SOX18: variants seen among roughly 807,000 people sequenced by gnomAD.
SOX18 encodes transcription factor SOX-18.
A neutral mutation model predicts 9.1 loss-of-function variants in SOX18; 2 were observed. That is an observed-to-expected ratio of 0.22 (90% CI 0.09 to 0.69). The LOEUF is 0.69. Ranked by LOEUF, SOX18 falls within the 30% of genes least tolerant of loss-of-function variation. SOX18 has a pLI of 0.80. For synonymous variants in SOX18, 292 were observed against 280.5 expected, an observed-to-expected ratio of 1.04 and a Z score of -0.41; for missense variants, 542 against 567.3, an observed-to-expected ratio of 0.96 and a Z score of 0.45.
At chr20:64,049,119 C>A (rs768592677) in intron 1 of SOX18, 40 bp downstream of exon 1, 9 of 1,182,160 alleles carry the variant, frequency 7.6e-6, no homozygotes, top group African/African-American at 6.5e-5. Context: ...CGAGCCCCCC[C>A]CGCCCTCTCC....
chr20:64,048,144 G>T lies in SOX18; in HGVS notation c.*22C>A. On this transcript the variant is annotated 3_prime_UTR_variant, in exon 2 of 2. Transcript: ENST00000340356. Reference sequence around the variant, plus strand: ...GGGGCTGCGGGAGGAAGCGCTGCAGGGACCCGGGCGGCGCCGGCGGCCTAG... The same window carrying T: ...GGGGCTGCGGGAGGAAGCGCTGCAGTGACCCGGGCGGCGCCGGCGGCCTAG... 6.5e-7 allele frequency: 1 copy of T among 1,534,746 alleles called. No individual in the cohort carries two copies. Among genetic ancestry groups the T allele is most frequent in the Non-Finnish European group, 8.7e-7 (1 of 1,145,254 alleles).
At position 64,047,858 on chromosome 20, in the gene SOX18, T is replaced by TCGGTGG; in HGVS notation, c.*307_*308insCCACCG. The stretch of plus-strand genomic sequence containing the variant: ...ACACTGCAAGAAAAGGAGCAGGTGC[T>TCGGTGG]TCAAAAATGTAACCCTGGCAACTCT... On this transcript the variant is annotated 3_prime_UTR_variant, in exon 2 of 2. Coordinates refer to ENST00000340356, the MANE Select transcript of SOX18 (RefSeq NM_018419.3). 2.1e-6 allele frequency: 1 copy of TCGGTGG among 474,276 alleles called. No homozygotes were observed. The highest frequency in any genetic ancestry group is 3.8e-6 in the Non-Finnish European group (1 of 266,276). 29.4% of individuals were successfully genotyped at this position (474,276 alleles called of 1,614,324 possible).
chr20:64,049,607 G>T lies in SOX18; in HGVS notation c.-91C>A. 1 of 834,994 alleles carries T rather than the reference G, an allele frequency of 1.2e-6. No homozygotes were observed. Among genetic ancestry groups the T allele is most frequent in the Non-Finnish European group, 1.5e-6 (1 of 689,308 alleles). 51.7% of individuals were successfully genotyped at this position (834,994 alleles called of 1,614,324 possible). On this transcript the variant is annotated 5_prime_UTR_variant, in exon 1 of 2. Transcript: ENST00000340356. The stretch of plus-strand genomic sequence containing the variant: ...GGAGCCGGGCGCAAGGGCAGGCCAG[G>T]CCGGGAGGGCGGATGGCGGTGGGGA...
intron 1 of SOX18, 58 bp downstream of exon 1, chr20:64,049,100 AC>A: frequency 3.6e-6 from 1 of 275,870 alleles, no homozygotes; most frequent in Non-Finnish European, 4.6e-6. Context: ...CCCCCGCCCC[AC>A]CCCGGCCCGA....
chr20:64,048,658 G>T lies in SOX18; in HGVS notation c.663C>A (p.Asp221Glu). ...AGGCAGCCTCGCCGGGCTCCAGGCC[G>T]TCCAGAGGCGAGCGCTCGGGCGTGG... ...GLPTPERSPL[D>E]GLEPGEAAFF... Residue 221 changes from aspartate (D) to glutamate (E), a missense_variant, in exon 2 of 2, where the codon GAC (aspartate) becomes GAA (glutamate). Asp to Glu is a conservative substitution (Grantham distance 45). Transcript: ENST00000340356. The T allele has an allele frequency of 7.6e-7, 1 of 1,307,402 alleles. No individual in the cohort carries two copies. Among genetic ancestry groups the T allele is most frequent in the Non-Finnish European group, 9.7e-7 (1 of 1,034,396 alleles). 81.0% of individuals were successfully genotyped at this position (1,307,402 alleles called of 1,614,324 possible).
chr20:64,048,591 G>A lies in SOX18; in HGVS notation c.730C>T (p.Pro244Ser). 8.1e-7 allele frequency: 1 copy of A among 1,234,968 alleles called. No homozygotes were observed. The highest frequency in any genetic ancestry group is 1.0e-6 in the Non-Finnish European group (1 of 991,456). 76.5% of individuals were successfully genotyped at this position (1,234,968 alleles called of 1,614,324 possible). ...PAAPEDCALR[P>S]FRAPYAPTEL... is the part of the protein sequence containing the mutation. ...GTGGGCGCGTAGGGCGCGCGGAAGG[G>A]CCGCAGCGCGCAGTCCTCGGGCGCC... is the stretch of plus-strand genomic sequence containing the variant. The change falls in exon 2 of 2, where the codon CCC becomes TCC. Residue 244 changes from proline (P) to serine (S), a missense_variant. Coordinates refer to ENST00000340356, the MANE Select transcript of SOX18 (RefSeq NM_018419.3).
In SOX18 at chr20:64,048,409, C is replaced by T. The variant is rs776130813; in HGVS notation, c.912G>A (p.Pro304=). Residue 304 remains proline, a synonymous_variant, in exon 2 of 2, where the codon CCG becomes CCA. Transcript: ENST00000340356. ...PGPLSPPPEA[P]PLESAEPLGP... is the part of the protein sequence containing the mutation. ...CCAGCGGCTCGGCGCTCTCCAGCGG[C>T]GGGGCCTCGGGCGGCGGCGACAGCG... 2.7e-6 allele frequency: 4 copies of T among 1,494,182 alleles called. No homozygotes were observed. In the South Asian group the frequency reaches 3.8e-5, roughly 14 times the overall value. 92.6% of individuals were successfully genotyped at this position (1,494,182 alleles called of 1,614,324 possible). A position where few individuals can be genotyped will look rare whatever the true frequency, so the allele number is the denominator to read the frequency against.
chr20:64,048,542 C>T lies in SOX18; in HGVS notation c.779G>A (p.Gly260Asp). The T allele has an allele frequency of 8.2e-7, 1 of 1,221,070 alleles. No individual in the cohort carries two copies. Among genetic ancestry groups the T allele is most frequent in the Non-Finnish European group, 1.0e-6 (1 of 982,640 alleles). 75.6% of individuals were successfully genotyped at this position (1,221,070 alleles called of 1,614,324 possible). A position where few individuals can be genotyped will look rare whatever the true frequency, so the allele number is the denominator to read the frequency against. Residue 260 changes from glycine to aspartate, a missense_variant, in exon 2 of 2, where the codon GGT becomes GAT. Gly to Asp is a moderately conservative substitution (Grantham distance 94, BLOSUM62 -1). Coordinates refer to ENST00000340356, the MANE Select transcript of SOX18 (RefSeq NM_018419.3). ...CTCCGCCAGGGGAGCCCCGTAGCAACCGCCGGGGTCCCGCGACAACTCGGT... is the reference window on the plus strand; with the variant it reads ...CTCCGCCAGGGGAGCCCCGTAGCAATCGCCGGGGTCCCGCGACAACTCGGT... ...APTELSRDPGGCYGAPLAEAL... is the reference protein window; with the variant it reads ...APTELSRDPGDCYGAPLAEAL...
At position 64,048,870 on chromosome 20, in the gene SOX18, TG is replaced by T; in HGVS notation, c.450del (p.Asn151ThrfsTer27). On this transcript the variant is annotated frameshift_variant, in exon 2 of 2. Coordinates refer to ENST00000340356, the MANE Select transcript of SOX18 (RefSeq NM_018419.3). LOFTEE classifies it low-confidence loss of function (END_TRUNC). Reference sequence around the variant, plus strand: ...TTGCGGCGCGGCCGGTACTTGTAGTTGGGGTGGTCGCGCAAGTGCTGCACGC... The same window carrying T: ...TTGCGGCGCGGCCGGTACTTGTAGTTGGGTGGTCGCGCAAGTGCTGCACGC... ...RLRVQHLRDH[P>X]NYKYRPRRKK... 6.3e-7 allele frequency: 1 copy of T among 1,594,124 alleles called. No individual in the cohort carries two copies.
Position 64,048,500 on chromosome 20 carries a change from G to A in SOX18, c.821C>T (p.Pro274Leu), listed in dbSNP as rs2059408117. ...APLAEALRTAPPAAPLAGLYY... is the reference protein window; with the variant it reads ...APLAEALRTALPAAPLAGLYY... ...CAGGCCAGCGAGCGGCGCCGCGGGGGGCGCGGTCCTGAGCGCCTCCGCCAG... is the reference window on the plus strand; with the variant it reads ...CAGGCCAGCGAGCGGCGCCGCGGGGAGCGCGGTCCTGAGCGCCTCCGCCAG... Residue 274 changes from proline (P) to leucine (L), a missense_variant, in exon 2 of 2, where the codon CCC (proline) becomes CTC (leucine). By Grantham distance (98) the Pro-to-Leu change is moderately conservative. Coordinates refer to ENST00000340356, the MANE Select transcript of SOX18 (RefSeq NM_018419.3). 1.6e-6 allele frequency: 2 copies of A among 1,228,576 alleles called. No individual in the cohort carries two copies. Among genetic ancestry groups the A allele is most frequent in the Non-Finnish European group, 2.0e-6 (2 of 988,498 alleles). 76.1% of individuals were successfully genotyped at this position (1,228,576 alleles called of 1,614,324 possible).
chr20:64,049,092 C>G lies in SOX18; in HGVS notation c.358+67G>C, dbSNP rs1228832306. The G allele has an allele frequency of 3.3e-6, 3 of 920,396 alleles. No individual in the cohort carries two copies. In the South Asian group the frequency reaches 1.2e-4, roughly 37 times the overall value. The allele number at this position is 920,396 out of a possible 1,614,324, so 57.0% of individuals were successfully genotyped here. ...CCCGCGGCCCGGGACCCCTGCCCCC[C>G]CCGCCCCACCCCGGCCCGAGCCCCC... On this transcript the variant is annotated intron_variant, in intron 1 of 1. Coordinates refer to ENST00000340356, the MANE Select transcript of SOX18 (RefSeq NM_018419.3).
chr20:64,049,088 CCCCCCCGCCCCACCCCGGCCCGAG>C, intron 1 of SOX18, 47 bp downstream of exon 1: 1 of 560,240 alleles, frequency 1.8e-6, no homozygotes, highest in Non-Finnish European at 2.5e-6. Context: ...GGACCCCTGC[CCCCCCCGCCCCACCCCGGCCCGAG>C]CCCCCCCCGC....
rs2059423322 is a variant in SOX18, at chr20:64,049,621, TGGCGGTGGGGAC to T, written c.-117_-106del. The T allele has an allele frequency of 1.5e-6, 1 of 685,232 alleles. No homozygotes were observed. Among genetic ancestry groups the T allele is most frequent in the Non-Finnish European group, 1.8e-6 (1 of 567,760 alleles). The allele number at this position is 685,232 out of a possible 1,614,324, so 42.4% of individuals were successfully genotyped here. On this transcript the variant is annotated 5_prime_UTR_variant, in exon 1 of 2. Coordinates refer to ENST00000340356, the MANE Select transcript of SOX18 (RefSeq NM_018419.3). Reference sequence around the variant, plus strand: ...GGGCAGGCCAGGCCGGGAGGGCGGATGGCGGTGGGGACGGCGGTGGCCTCGGGCCGGGCGGGC... The same window carrying T: ...GGGCAGGCCAGGCCGGGAGGGCGGATGGCGGTGGCCTCGGGCCGGGCGGGC...
Position 64,048,081 on chromosome 20 carries a change from G to T in SOX18, c.*85C>A. 7.8e-7 allele frequency: 1 copy of T among 1,279,684 alleles called. No individual in the cohort carries two copies. The highest frequency in any genetic ancestry group is 1.3e-5 in the South Asian group (1 of 78,646). 79.3% of individuals were successfully genotyped at this position (1,279,684 alleles called of 1,614,324 possible). A position where few individuals can be genotyped will look rare whatever the true frequency, so the allele number is the denominator to read the frequency against. On this transcript the variant is annotated 3_prime_UTR_variant, in exon 2 of 2. Coordinates refer to ENST00000340356, the MANE Select transcript of SOX18 (RefSeq NM_018419.3). ...TGGAACCAAACATACACGCGTATGA[G>T]AGAGCAGAGCGGCAGCGACGCGGTC...
chr20:64,049,350 C>G lies in SOX18; in HGVS notation c.167G>C (p.Arg56Pro). The G allele has an allele frequency of 9.1e-7, 1 of 1,103,750 alleles. No individual in the cohort carries two copies. Among genetic ancestry groups the G allele is most frequent in the Non-Finnish European group, 1.1e-6 (1 of 902,396 alleles). 68.4% of individuals were successfully genotyped at this position (1,103,750 alleles called of 1,614,324 possible). Residue 56 changes from arginine to proline, a missense_variant, in exon 1 of 2, where the codon CGC (arginine) becomes CCC (proline). Transcript: ENST00000340356. Reference protein sequence around the residue: ...AAPASPPSPQRSPPRSPEPGR... With the variant: ...AAPASPPSPQPSPPRSPEPGR... ...CGGCTCGGGGCTGCGCGGGGGACTGCGCTGCGGGCTGGGCGGCGAGGCGGG... is the reference window on the plus strand; with the variant it reads ...CGGCTCGGGGCTGCGCGGGGGACTGGGCTGCGGGCTGGGCGGCGAGGCGGG...
At position 64,049,444 on chromosome 20, in the gene SOX18, C is replaced by G. The variant is rs923131819; in HGVS notation, c.73G>C (p.Gly25Arg). 79 of 1,013,282 alleles carry G rather than the reference C, an allele frequency of 7.8e-5. No individual in the cohort carries two copies. Among genetic ancestry groups the G allele is most frequent in the Non-Finnish European group, 9.2e-5 (78 of 850,026 alleles). The allele number at this position is 1,013,282 out of a possible 1,614,324, so 62.8% of individuals were successfully genotyped here. A position where few individuals can be genotyped will look rare whatever the true frequency, so the allele number is the denominator to read the frequency against. ...CGCGTGTCAGCGGCGGCCCCGTGTC[C>G]CGGGGCCCATGCACAGTCGCGGCGG... ...PARRDCAWAP[G>R]HGAAADTRGL... The change falls in exon 1 of 2, where the codon GGA (glycine) becomes CGA (arginine). Residue 25 changes from glycine to arginine, a missense_variant. Coordinates refer to ENST00000340356, the MANE Select transcript of SOX18 (RefSeq NM_018419.3).
Position 64,048,058 on chromosome 20 carries a change from G to T in SOX18, c.*108C>A. The T allele has an allele frequency of 2.6e-6, 3 of 1,136,970 alleles. No individual in the cohort carries two copies. The highest frequency in any genetic ancestry group is 1.5e-5 in the African/African-American group (1 of 65,114). The allele number at this position is 1,136,970 out of a possible 1,614,324, so 70.4% of individuals were successfully genotyped here. On this transcript the variant is annotated 3_prime_UTR_variant, in exon 2 of 2. Transcript: ENST00000340356. ...CTGGCTCCTAGGGGGCTGTGACATG[G>T]AACCAAACATACACGCGTATGAGAG...
In SOX18 at chr20:64,049,308, C is replaced by T; in HGVS notation, c.209G>A (p.Ser70Asn). 1 of 1,472,684 alleles carries T rather than the reference C, an allele frequency of 6.8e-7. No homozygotes were observed. Among genetic ancestry groups the T allele is most frequent in the Middle Eastern group, 2.2e-4 (1 of 4,548 alleles). The allele number at this position is 1,472,684 out of a possible 1,614,324, so 91.2% of individuals were successfully genotyped here. A position where few individuals can be genotyped will look rare whatever the true frequency, so the allele number is the denominator to read the frequency against. The change falls in exon 1 of 2, where the codon AGC becomes AAC. Residue 70 changes from serine to asparagine, a missense_variant. Coordinates refer to ENST00000340356, the MANE Select transcript of SOX18 (RefSeq NM_018419.3). The stretch of plus-strand genomic sequence containing the variant: ...CTGGCGTTCCCCGCGGCCGGCCGGG[C>T]TGAGGCCATAGCGCCCCGGCTCGGG... ...RSPEPGRYGL[S>N]PAGRGERQAA...
Position 64,048,554 on chromosome 20 carries a change from C to G in SOX18, c.767G>C (p.Arg256Pro). Residue 256 changes from arginine to proline, a missense_variant, in exon 2 of 2, where the codon CGG (arginine) becomes CCG (proline). Coordinates refer to ENST00000340356, the MANE Select transcript of SOX18 (RefSeq NM_018419.3). ...RAPYAPTELS[R>P]DPGGCYGAPL... is the part of the protein sequence containing the mutation. ...AGCCCCGTAGCAACCGCCGGGGTCC[C>G]GCGACAACTCGGTGGGCGCGTAGGG... 4.9e-6 allele frequency: 6 copies of G among 1,222,412 alleles called. No homozygotes were observed. The highest frequency in any genetic ancestry group is 6.1e-6 in the Non-Finnish European group (6 of 983,486). 75.7% of individuals were successfully genotyped at this position (1,222,412 alleles called of 1,614,324 possible).
Sources: allele counts gnomAD v4.1 joint callset, GRCh38; gene constraint gnomAD v4.1.1; transcripts MANE v1.5; gene names NCBI Gene and HGNC (gene_info 2026-07-23, HGNC 2026-07-21).